Variants in KRABD4 observed in about 807,000 individuals in gnomAD.
KRABD4 encodes KRAB domain-containing protein 4.
At chrX:46,460,230 A>G in the KRABD4 span, among the ~76,000 whole-genome samples, 3 of 110,858 alleles carry the variant, frequency 2.7e-5, no homozygotes, top group Non-Finnish European at 5.7e-5. Flanking sequence ...GACCAGCCTG[A>G]CCAACATGGA....
the KRABD4 span, chrX:46,457,060 T>A: frequency 5.7e-6 from 2 of 352,436 alleles, no homozygotes; most frequent in South Asian, 1.1e-4. Context: ...TGTAGGAGGC[T>A]TTTGTTGTCC....
chrX:46,449,909 G>A, the KRABD4 span, among the ~76,000 whole-genome samples: 2 of 111,350 alleles, frequency 1.8e-5, no homozygotes, highest in South Asian at 7.8e-4. Flanking sequence ...GGGACTACAG[G>A]TATGTGCTAC....
the KRABD4 span, among the ~76,000 whole-genome samples, chrX:46,449,283 G>A: frequency 5.4e-5 from 6 of 110,652 alleles, no homozygotes; most frequent in African/African-American, 2.0e-4. Context: ...GACAGTGCTG[G>A]GCTGTTACCC....
chrX:46,472,898 A>G, the KRABD4 span: 1 of 1,212,104 alleles, frequency 8.3e-7, no homozygotes. Flanking sequence ...ATCTGAGCAC[A>G]GAATTTGATT....
At chrX:46,461,930 T>C in the KRABD4 span, among the ~76,000 whole-genome samples, 2 of 102,991 alleles carry the variant, frequency 1.9e-5, no homozygotes, top group Non-Finnish European at 4.0e-5. Flanking sequence ...CCTGCCTCTG[T>C]TTCATCTATG....
At chrX:46,468,941 C>A in the KRABD4 span, among the ~76,000 whole-genome samples, 1 of 112,094 alleles carries the variant, frequency 8.9e-6, no homozygotes, top group Non-Finnish European at 1.9e-5. Context: ...AGGAAATGCT[C>A]ATTGAAGCTT....
chrX:46,466,747 T>A, the KRABD4 span, among the ~76,000 whole-genome samples: 1 of 112,726 alleles, frequency 8.9e-6, no homozygotes, highest in South Asian at 3.7e-4. Flanking sequence ...TCCTTTTATT[T>A]TTTCAAATGA....
At chrX:46,465,852 G>A in the KRABD4 span, among the ~76,000 whole-genome samples, 2 of 111,811 alleles carry the variant, frequency 1.8e-5, no homozygotes, top group Non-Finnish European at 3.8e-5. Flanking sequence ...ATGAGCATGC[G>A]AGCAGGATGG....
chrX:46,468,622 G>T, the KRABD4 span, among the ~76,000 whole-genome samples: 1 of 110,336 alleles, frequency 9.1e-6, no homozygotes, highest in Non-Finnish European at 1.9e-5. Flanking sequence ...TGAAAATTAA[G>T]AATTTAATAT....
the KRABD4 span, chrX:46,455,907 A>C: frequency 3.2e-6 from 1 of 310,709 alleles, no homozygotes; most frequent in South Asian, 3.9e-5. Flanking sequence ...GTAAGGGCCC[A>C]GGAGGTGAAT....
the KRABD4 span, among the ~76,000 whole-genome samples, chrX:46,467,277 G>A: frequency 1.8e-5 from 2 of 111,953 alleles, no homozygotes; most frequent in Non-Finnish European, 3.8e-5. Context: ...ATTGGGCCGG[G>A]TGTGGTGCCT....
chrX:46,465,159 G>A, the KRABD4 span, among the ~76,000 whole-genome samples: 1 of 112,609 alleles, frequency 8.9e-6, no homozygotes, highest in Non-Finnish European at 1.9e-5. Context: ...ATATAGCTAT[G>A]CATTTCATAT....
At chrX:46,473,535 T>C in the KRABD4 span, 1 of 617,693 alleles carries the variant, frequency 1.6e-6, no homozygotes, top group South Asian at 3.1e-5. Context: ...CTTTTAGTGT[T>C]AAATCAACTC....
At chrX:46,454,849 G>GT in the KRABD4 span, 28 of 115,161 alleles carry the variant, frequency 2.4e-4, no homozygotes, top group South Asian at 7.1e-4. Context: ...TTTTATTGTA[G>GT]TTTTTTTTTA....
At chrX:46,458,940 G>A in the KRABD4 span, among the ~76,000 whole-genome samples, 2 of 111,778 alleles carry the variant, frequency 1.8e-5, no homozygotes, top group Admixed American at 1.9e-4. Flanking sequence ...CTCTGGAACT[G>A]TTATGATAAA....
At chrX:46,460,495 T>C in the KRABD4 span, among the ~76,000 whole-genome samples, 2 of 108,540 alleles carry the variant, frequency 1.8e-5, no homozygotes, top group African/African-American at 6.7e-5. Context: ...AAGAGATGCA[T>C]AGGGCAAGGG....
the KRABD4 span, among the ~76,000 whole-genome samples, chrX:46,469,850 T>A: frequency 9.0e-6 from 1 of 111,605 alleles, no homozygotes; most frequent in Non-Finnish European, 1.9e-5. Flanking sequence ...AATGGCCTGA[T>A]ATAGGTTGAG....
the KRABD4 span, chrX:46,450,556 C>A: frequency 1.2e-6 from 1 of 859,428 alleles, no homozygotes; most frequent in Non-Finnish European, 1.7e-6. Flanking sequence ...CTTGAAAATA[C>A]CAATTATCCC....
chrX:46,456,881 G>T, the KRABD4 span: 1 of 369,880 alleles, frequency 2.7e-6, no homozygotes. Context: ...TATCCAACTT[G>T]TGAAGTAAGT....
Sources: gnomAD v4.1 joint callset for allele counts (sites outside exome capture counted in the v4.1 genomes callset) on GRCh38, gnomAD v4.1.1 for gene constraint, MANE v1.5 for transcripts, NCBI Gene and HGNC (gene_info 2026-07-23, HGNC 2026-07-21) for gene names.